AFF3: variants seen among roughly 807,000 people sequenced by gnomAD.
AFF3 encodes the protein ALF transcription elongation factor 3, also known as AF4/FMR2 family member 3.
In AFF3, 32 loss-of-function variants were observed where a neutral mutation model predicts 129.7. That is an observed-to-expected ratio of 0.25 (90% CI 0.19 to 0.33). The LOEUF (loss-of-function observed/expected upper bound fraction) is 0.33. Ranked by LOEUF, AFF3 falls within the 10% of genes least tolerant of loss-of-function variation. The probability of loss-of-function intolerance (pLI) is 1.00; values close to 1 mark genes in which losing one functional copy is unlikely to be tolerated. For missense variants in AFF3, 1,373 were observed against 1,592.0 expected (o/e 0.86, Z 2.34); for synonymous variants, 644 against 635.4 (o/e 1.01, Z -0.20).
chr2:99,651,065 C>T lies in AFF3; in HGVS notation c.1144-1399G>A, dbSNP rs1250578191. ...GCACATGTCTGTAATTCCAGCTACT[C>T]GGGAGGCCAAGGCAGGAGAATTGCT... On this transcript the variant is annotated intron_variant, in intron 12 of 24. Coordinates refer to ENST00000672756, the MANE Select transcript of AFF3 (RefSeq NM_001386135.1). Among the ~76,000 whole-genome samples, 7 of 150,098 alleles carry T rather than the reference C, an allele frequency of 4.7e-5. No individual in the cohort carries two copies. The Admixed American group carries it at 4.7e-4, about 10-fold the overall frequency.
intron 4 of AFF3, among the ~76,000 whole-genome samples, chr2:100,060,558 A>G (rs909708190): frequency 1.3e-5 from 2 of 152,330 alleles, no homozygotes; most frequent in Non-Finnish European, 2.9e-5. Context: ...TCTCTGAGCT[A>G]TTAGATAAAT....
chr2:99,600,569 C>A (rs538387612), intron 14 of AFF3, among the ~76,000 whole-genome samples: 1 of 152,240 alleles, frequency 6.6e-6, no homozygotes, highest in Admixed American at 6.5e-5. Context: ...AATATGGCCC[C>A]CCCAAATGGT....
At chr2:99,746,041 T>C (rs1681126348) in intron 9 of AFF3, among the ~76,000 whole-genome samples, 1 of 152,134 alleles carries the variant, frequency 6.6e-6, no homozygotes, top group Admixed American at 6.5e-5. Context: ...ACTCAGGTGA[T>C]GGGTACACTA....
intron 8 of AFF3, among the ~76,000 whole-genome samples, chr2:99,787,605 C>T (rs558620461): frequency 6.6e-6 from 1 of 152,292 alleles, no homozygotes; most frequent in East Asian, 1.9e-4. Context: ...CGATGATGTA[C>T]GTCCTGCAGA....
intron 7 of AFF3, among the ~76,000 whole-genome samples, chr2:99,965,570 G>A (rs889321969): frequency 1.3e-5 from 2 of 152,118 alleles, no homozygotes; most frequent in Non-Finnish European, 2.9e-5. Context: ...CTCTAAGCCC[G>A]CCAAGATCAC....
intron 8 of AFF3, among the ~76,000 whole-genome samples, chr2:99,815,041 T>G (rs1687112967): frequency 1.3e-5 from 2 of 152,004 alleles, no homozygotes; most frequent in Admixed American, 6.6e-5. Flanking sequence ...TGACACATTT[T>G]TGTCACTAAG....
chr2:99,824,496 AAACT>A (rs1476734699), intron 8 of AFF3, among the ~76,000 whole-genome samples: 3 of 152,192 alleles, frequency 2.0e-5, no homozygotes, highest in African/African-American at 7.2e-5. Context: ...ACTAAAATAA[AAACT>A]TACTAACCAA....
At chr2:99,574,889 C>T (rs1676837919) in intron 18 of AFF3, among the ~76,000 whole-genome samples, 1 of 152,104 alleles carries the variant, frequency 6.6e-6, no homozygotes, top group African/African-American at 2.4e-5. Flanking sequence ...GGCTGAAGTT[C>T]ACTCTTCACC....
intron 13 of AFF3, among the ~76,000 whole-genome samples, chr2:99,622,829 C>A (rs1245572899): frequency 6.6e-6 from 1 of 152,222 alleles, no homozygotes. Flanking sequence ...CAGAGTCAGG[C>A]CCTGGCTGGG....
chr2:99,619,041 C>T (rs765644896), intron 13 of AFF3, among the ~76,000 whole-genome samples: 2 of 152,162 alleles, frequency 1.3e-5, no homozygotes, highest in Non-Finnish European at 2.9e-5. Context: ...GTTACCATGC[C>T]CGGCCCAGAC....
chr2:99,600,309 T>G (rs1187668912), intron 14 of AFF3, among the ~76,000 whole-genome samples: 2 of 151,844 alleles, frequency 1.3e-5, no homozygotes, highest in Admixed American at 1.3e-4. Context: ...AAACAAAATG[T>G]CCCTGATTTC....
At chr2:99,917,166 G>A (rs963296768) in intron 7 of AFF3, among the ~76,000 whole-genome samples, 4 of 152,168 alleles carry the variant, frequency 2.6e-5, no homozygotes, top group Non-Finnish European at 4.4e-5. Context: ...GATATGGTAC[G>A]ACTCTGTCTG....
At chr2:99,917,145 C>T (rs1163413756) in intron 7 of AFF3, among the ~76,000 whole-genome samples, 1 of 152,170 alleles carries the variant, frequency 6.6e-6, no homozygotes, top group Non-Finnish European at 1.5e-5. Flanking sequence ...ATTTGCCTAC[C>T]CCATTGCAGG....
At chr2:99,798,691 A>T (rs2105490035) in intron 8 of AFF3, among the ~76,000 whole-genome samples, 1 of 152,074 alleles carries the variant, frequency 6.6e-6, no homozygotes, top group East Asian at 1.9e-4. Context: ...ATCTTAACGC[A>T]GCCAGGGATA....
rs1167261725 is a variant in AFF3, at chr2:99,593,334, G to C, written c.2327C>G (p.Ser776Cys). 7 of 1,613,944 alleles carry C rather than the reference G, an allele frequency of 4.3e-6. No individual in the cohort carries two copies. The highest frequency in any genetic ancestry group is 4.0e-5 in the African/African-American group (3 of 74,876). The part of the protein sequence containing the change: ...LWVKIDLTLL[S>C]RIPEHLPQEP... The stretch of plus-strand genomic sequence containing the variant: ...CTGGGGCAGGTGTTCTGGGATCCTG[G>C]ACAGGAGGGTCAGGTCGATTTTGAC... The change falls in exon 15 of 25, where the codon TCC (serine) becomes TGC (cysteine). Residue 776 changes from serine (S) to cysteine (C), a missense_variant. Ser to Cys is a moderately radical substitution (Grantham distance 112). Coordinates refer to ENST00000672756, the MANE Select transcript of AFF3 (RefSeq NM_001386135.1).
chr2:100,058,049 G>A (rs1686951741), intron 4 of AFF3, among the ~76,000 whole-genome samples: 1 of 152,166 alleles, frequency 6.6e-6, no homozygotes, highest in Non-Finnish European at 1.5e-5. Context: ...TCAAATAGGG[G>A]AATCATAAAA....
chr2:99,734,451 A>G (rs1680089293), intron 10 of AFF3, among the ~76,000 whole-genome samples: 1 of 152,042 alleles, frequency 6.6e-6, no homozygotes, highest in Non-Finnish European at 1.5e-5. Flanking sequence ...CTTGTTCCTC[A>G]TCTTGAGGGG....
intron 18 of AFF3, among the ~76,000 whole-genome samples, chr2:99,571,435 A>G (rs1464897639): frequency 4.6e-5 from 7 of 152,246 alleles, no homozygotes; most frequent in African/African-American, 1.4e-4. Flanking sequence ...GTGGCTCACA[A>G]TTCCTAATAT....
intron 4 of AFF3, among the ~76,000 whole-genome samples, chr2:100,072,285 A>G (rs1688251898): frequency 6.6e-6 from 1 of 152,186 alleles, no homozygotes; most frequent in South Asian, 2.1e-4. Flanking sequence ...TGAACTGTGC[A>G]TGCGAGGAAT....
Sources: gnomAD v4.1 joint callset for allele counts (sites outside exome capture counted in the v4.1 genomes callset) on GRCh38, gnomAD v4.1.1 for gene constraint, MANE v1.5 for transcripts, NCBI Gene and HGNC (gene_info 2026-07-23, HGNC 2026-07-21) for gene names.